ZNF75D: variants seen among roughly 807,000 people sequenced by gnomAD.
ZNF75D encodes zinc finger protein 75D.
In ZNF75D, 33 loss-of-function variants were observed where a neutral mutation model predicts 33.3. The ratio of observed to expected loss-of-function variants is 0.99; its 90% CI spans 0.75 to 1.32. ZNF75D has a LOEUF of 1.32. Ranked by LOEUF, ZNF75D falls within the 40% of genes most tolerant of loss-of-function variation. The pLI is 0.00. For missense variants in ZNF75D, 338 were observed against 367.5 expected, an observed-to-expected ratio of 0.92 and a Z score of 0.66; for synonymous variants, 113 against 130.6, an observed-to-expected ratio of 0.87 and a Z score of 0.92.
intron 1 of ZNF75D, among the ~76,000 whole-genome samples, chrX:135,323,989 G>GCGCACACA (rs2084528874): frequency 1.0e-5 from 1 of 97,604 alleles, no homozygotes; most frequent in Non-Finnish European, 2.1e-5. Context: ...ACTTGTTGCA[G>GCGCACACA]CACACACACA....
intron 1 of ZNF75D, among the ~76,000 whole-genome samples, chrX:135,335,062 C>G (rs1488888266): frequency 2.7e-5 from 3 of 110,949 alleles, no homozygotes; most frequent in African/African-American, 9.9e-5. Context: ...TACAAACCCT[C>G]TAGTCCCAAC....
At chrX:135,263,761 C>T (rs2083852378) in intron 1 of ZNF75D, among the ~76,000 whole-genome samples, 1 of 112,753 alleles carries the variant, frequency 8.9e-6, no homozygotes, top group Non-Finnish European at 1.9e-5. Flanking sequence ...CCCCTGACCC[C>T]TTGTGCTTCC....
rs1199277651 is a variant in ZNF75D at position 135,343,717 on chromosome X, A to G, written c.-2340T>C. The G allele has an allele frequency of 8.9e-6, 1 of 111,884 alleles. No homozygotes were observed. Among genetic ancestry groups the G allele is most frequent in the Non-Finnish European group, 1.9e-5 (1 of 53,086 alleles). The allele number at this position is 111,884 out of a possible 1,213,427, so 9.2% of individuals were successfully genotyped here. ...AGGCTTCCAGACCACCTTGGCCCCGAAACCAGTTGTGCCCGCCGGCCAAGG... is the reference window on the plus strand; with the variant it reads ...AGGCTTCCAGACCACCTTGGCCCCGGAACCAGTTGTGCCCGCCGGCCAAGG... On this transcript the variant is annotated 5_prime_UTR_variant, in exon 1 of 7. Transcript: ENST00000370766.
chrX:135,264,552 C>G (rs1461526846), intron 1 of ZNF75D, among the ~76,000 whole-genome samples: 1 of 111,734 alleles, frequency 8.9e-6, no homozygotes, highest in Non-Finnish European at 1.9e-5. Flanking sequence ...AATAAGGCAG[C>G]AGGGACCAAT....
chrX:135,264,245 C>T (rs782563648), intron 1 of ZNF75D, among the ~76,000 whole-genome samples: 1 of 111,221 alleles, frequency 9.0e-6, no homozygotes, highest in Admixed American at 9.6e-5. Context: ...ATTTTTAAAC[C>T]ATCAGATCTC....
chrX:135,305,393 C>T (rs1387753224), intron 1 of ZNF75D, among the ~76,000 whole-genome samples: 1 of 111,869 alleles, frequency 8.9e-6, no homozygotes, highest in Non-Finnish European at 1.9e-5. Flanking sequence ...TACACTCACA[C>T]TTGAATGTCT....
intron 1 of ZNF75D, among the ~76,000 whole-genome samples, chrX:135,300,901 T>C (rs1206492149): frequency 1.8e-5 from 2 of 112,123 alleles, no homozygotes; most frequent in Non-Finnish European, 3.8e-5. Context: ...CAGGGCTTTA[T>C]GCTGAACCAT....
At chrX:135,276,970 A>G (rs1466931777) in intron 1 of ZNF75D, among the ~76,000 whole-genome samples, 4 of 111,980 alleles carry the variant, frequency 3.6e-5, no homozygotes, top group African/African-American at 1.3e-4. Flanking sequence ...ATGTGTCTTT[A>G]TAGTAGAATG....
chrX:135,258,697 C>T (rs1056431509), intron 1 of ZNF75D, among the ~76,000 whole-genome samples: 1 of 111,223 alleles, frequency 9.0e-6, no homozygotes, highest in Admixed American at 9.5e-5. Context: ...GGATATTAGC[C>T]CTTTGTCAGA....
intron 1 of ZNF75D, among the ~76,000 whole-genome samples, chrX:135,257,498 C>T (rs782494477): frequency 6.2e-5 from 7 of 113,160 alleles, no homozygotes; most frequent in African/African-American, 1.9e-4. Context: ...TAGCTGCAGT[C>T]GAACAAAACA....
Position 135,342,814 on chromosome X carries a change from A to G in ZNF75D, c.-1437T>C, listed in dbSNP as rs1251989598. Reference sequence around the variant, plus strand: ...CATACTGCTCTCCCTTTAATCCTCCAAACAACCCCAGAAGGGTCTATTACC... The same window carrying G: ...CATACTGCTCTCCCTTTAATCCTCCGAACAACCCCAGAAGGGTCTATTACC... On this transcript the variant is annotated 5_prime_UTR_variant, in exon 1 of 7. Transcript: ENST00000370766. 9.0e-6 allele frequency: 1 copy of G among 111,532 alleles called. No homozygotes were observed. Among genetic ancestry groups the G allele is most frequent in the Non-Finnish European group, 1.9e-5 (1 of 53,117 alleles). 9.2% of individuals were successfully genotyped at this position (111,532 alleles called of 1,213,427 possible). A position where few individuals can be genotyped will look rare whatever the true frequency, so the allele number is the denominator to read the frequency against.
intron 1 of ZNF75D, among the ~76,000 whole-genome samples, chrX:135,266,653 A>T (rs782248322): frequency 1.2e-4 from 14 of 112,135 alleles, no homozygotes; most frequent in African/African-American, 4.2e-4. Context: ...AGATAAAGAA[A>T]TATATAGACC....
intron 1 of ZNF75D, among the ~76,000 whole-genome samples, chrX:135,299,959 A>G (rs1287921752): frequency 8.9e-6 from 1 of 112,427 alleles, no homozygotes; most frequent in Non-Finnish European, 1.9e-5. Flanking sequence ...TTTCAATTCT[A>G]TTCTATTGAT....
At chrX:135,259,373 A>C (rs1556415109) in intron 1 of ZNF75D, among the ~76,000 whole-genome samples, 1 of 111,635 alleles carries the variant, frequency 9.0e-6, no homozygotes, top group East Asian at 2.8e-4. Flanking sequence ...TGAATCTATA[A>C]ATTACTTTGG....
chrX:135,281,639 C>G (rs2083920218), downstream of ZNF75D, among the ~76,000 whole-genome samples: 1 of 111,950 alleles, frequency 8.9e-6, no homozygotes, highest in African/African-American at 3.2e-5. Flanking sequence ...TACCTTTGGT[C>G]TTTGATGTTG....
chrX:135,266,052 A>G (rs1225010646), intron 1 of ZNF75D, among the ~76,000 whole-genome samples: 1 of 111,807 alleles, frequency 8.9e-6, no homozygotes. Flanking sequence ...AGTTCTCATC[A>G]GTTCAAAATA....
intron 1 of ZNF75D, chrX:135,297,502 T>G (rs1365288757): frequency 1.8e-5 from 2 of 112,091 alleles, no homozygotes; most frequent in African/African-American, 6.5e-5. Flanking sequence ...AGGCTTACAT[T>G]TCAATGAATC....
intron 1 of ZNF75D, among the ~76,000 whole-genome samples, chrX:135,279,568 A>G (rs1246172536): frequency 9.0e-6 from 1 of 110,786 alleles, no homozygotes; most frequent in Non-Finnish European, 1.9e-5. Flanking sequence ...AGTTCTTTTA[A>G]TTGTGATGTT....
At chrX:135,323,592 A>G (rs1179189474) in intron 1 of ZNF75D, among the ~76,000 whole-genome samples, 2 of 111,670 alleles carry the variant, frequency 1.8e-5, no homozygotes, top group Non-Finnish European at 3.8e-5. Flanking sequence ...TGAGACTTAC[A>G]GACAGTAGTC....
Sources: allele counts gnomAD v4.1 joint callset (sites outside exome capture counted in the v4.1 genomes callset), GRCh38; gene constraint gnomAD v4.1.1; transcripts MANE v1.5; gene names NCBI Gene and HGNC (gene_info 2026-07-23, HGNC 2026-07-21).